The following SIK3 variants were observed in gnomAD, a reference collection of about 807,000 sequenced individuals.
SIK3 encodes SIK family kinase 3, also known as serine/threonine-protein kinase SIK3.
A neutral mutation model predicts 144.2 loss-of-function variants in SIK3; 28 were observed. That is an observed-to-expected ratio of 0.19 (90% CI 0.14 to 0.27). The LOEUF (loss-of-function observed/expected upper bound fraction) is 0.27. Among genes scored for constraint, SIK3 ranks in the 10% least tolerant of loss-of-function variants. The pLI is 1.00. For missense variants in SIK3, 1,319 were observed against 1,776.0 expected, an observed-to-expected ratio of 0.74 and a Z score of 4.62; for synonymous variants, 686 against 676.3, an observed-to-expected ratio of 1.01 and a Z score of -0.22.
At chr11:117,048,869 G>A (rs1473239734) in intron 1 of SIK3, among the ~76,000 whole-genome samples, 1 of 152,062 alleles carries the variant, frequency 6.6e-6, no homozygotes, top group Admixed American at 6.5e-5. Flanking sequence ...TAGGGAAGCT[G>A]AGGCATGTGG....
chr11:117,065,242 T>C (rs1953959045), intron 1 of SIK3, among the ~76,000 whole-genome samples: 1 of 151,770 alleles, frequency 6.6e-6, no homozygotes, highest in Non-Finnish European at 1.5e-5. Flanking sequence ...GTAGCTTGGT[T>C]TCTTCCCTTG....
intron 4 of SIK3, among the ~76,000 whole-genome samples, chr11:116,902,487 G>C (rs1277935619): frequency 1.3e-5 from 2 of 152,190 alleles, no homozygotes; most frequent in African/African-American, 2.4e-5. Context: ...TGAGAAATGA[G>C]TGTATGAGAA....
At chr11:116,940,863 A>C (rs987925790) in intron 3 of SIK3, among the ~76,000 whole-genome samples, 5 of 152,114 alleles carry the variant, frequency 3.3e-5, no homozygotes, top group African/African-American at 9.7e-5. Context: ...ACAAAAAATG[A>C]ATAATAATAA....
chr11:116,908,854 C>T (rs1329893885), intron 4 of SIK3, among the ~76,000 whole-genome samples: 1 of 152,170 alleles, frequency 6.6e-6, no homozygotes, highest in African/African-American at 2.4e-5. Flanking sequence ...CCTAAAAACA[C>T]ACACCATATG....
intron 4 of SIK3, among the ~76,000 whole-genome samples, chr11:116,920,696 T>C (rs898431328): frequency 2.0e-5 from 3 of 152,212 alleles, no homozygotes; most frequent in Non-Finnish European, 4.4e-5. Context: ...TCAAATGCCA[T>C]GTCCTCAATA....
At chr11:117,040,503 T>A (rs1171348171) in intron 1 of SIK3, among the ~76,000 whole-genome samples, 2 of 152,146 alleles carry the variant, frequency 1.3e-5, no homozygotes, top group African/African-American at 2.4e-5. Flanking sequence ...CACAAATAAA[T>A]CTGTAAATAA....
At chr11:116,876,801 A>T in intron 7 of SIK3, 123 bp downstream of exon 7, 1 of 749,048 alleles carries the variant, frequency 1.3e-6, no homozygotes, top group Non-Finnish European at 2.4e-6. Flanking sequence ...GTGCTGCTTT[A>T]GTGTTACATA....
At chr11:116,955,811 C>G (rs548414392) in intron 2 of SIK3, among the ~76,000 whole-genome samples, 65 of 152,160 alleles carry the variant, frequency 4.3e-4, no homozygotes, top group Non-Finnish European at 1.8e-4. Flanking sequence ...TAAATTTCAA[C>G]AGGTCTGCTC....
intron 1 of SIK3, among the ~76,000 whole-genome samples, chr11:117,096,953 A>G (rs975559716): frequency 6.6e-6 from 1 of 152,180 alleles, no homozygotes; most frequent in Non-Finnish European, 1.5e-5. Context: ...CCTCAGGCTG[A>G]GGGAAAACAC....
chr11:117,094,379 A>G (rs547978900), intron 1 of SIK3, among the ~76,000 whole-genome samples: 6 of 152,314 alleles, frequency 3.9e-5, no homozygotes, highest in African/African-American at 1.4e-4. Flanking sequence ...CTGAAGCAGG[A>G]GGATCACTTG....
intron 7 of SIK3, among the ~76,000 whole-genome samples, chr11:116,876,661 C>G (rs761634708): frequency 3.3e-5 from 5 of 152,226 alleles, no homozygotes; most frequent in African/African-American, 1.2e-4. Flanking sequence ...GGTAGGTAAG[C>G]TGCAGAACTG....
chr11:116,861,250 T>C, intron 19 of SIK3, 24 bp downstream of exon 19: 1 of 1,504,018 alleles, frequency 6.6e-7, no homozygotes, highest in Non-Finnish European at 9.1e-7. Context: ...AAATGAACTG[T>C]TTGGTCTGAA....
chr11:116,946,475 C>T (rs925096781), intron 3 of SIK3, among the ~76,000 whole-genome samples: 16 of 152,132 alleles, frequency 1.1e-4, no homozygotes, highest in South Asian at 4.1e-4. Context: ...CACACACAGT[C>T]GGGTCCATTA....
chr11:116,871,391 T>TGGAGTGAACAAGGGTG (rs1195113347), intron 13 of SIK3, among the ~76,000 whole-genome samples: 1 of 152,160 alleles, frequency 6.6e-6, no homozygotes, highest in Non-Finnish European at 1.5e-5. Context: ...GTGAACAGGG[T>TGGAGTGAACAAGGGTG]GAGGCAGGAA....
At chr11:116,890,986 A>G (rs1945072248) in intron 6 of SIK3, among the ~76,000 whole-genome samples, 1 of 152,216 alleles carries the variant, frequency 6.6e-6, no homozygotes, top group South Asian at 2.1e-4. Flanking sequence ...AGAATAAAAT[A>G]TATTGAAATG....
chr11:116,919,734 A>G (rs1384145988), intron 4 of SIK3, among the ~76,000 whole-genome samples: 1 of 152,202 alleles, frequency 6.6e-6, no homozygotes, highest in Non-Finnish European at 1.5e-5. Flanking sequence ...ACCATTTTCA[A>G]AACACCATTT....
intron 4 of SIK3, among the ~76,000 whole-genome samples, chr11:116,914,320 T>C (rs951349784): frequency 1.3e-5 from 2 of 151,790 alleles, no homozygotes; most frequent in African/African-American, 4.8e-5. Context: ...GCAATTCTCC[T>C]GTTTCAGCCT....
At chr11:116,933,419 G>A (rs1438110936) in intron 3 of SIK3, among the ~76,000 whole-genome samples, 3 of 152,168 alleles carry the variant, frequency 2.0e-5, no homozygotes, top group Non-Finnish European at 4.4e-5. Flanking sequence ...GATTACAGGC[G>A]TGAGCCACTG....
intron 4 of SIK3, among the ~76,000 whole-genome samples, chr11:116,910,597 T>C (rs984553313): frequency 6.6e-6 from 1 of 152,188 alleles, no homozygotes; most frequent in Non-Finnish European, 1.5e-5. Context: ...CGGAGTGCTG[T>C]ACTGCTCCAG....
Sources: gnomAD v4.1 joint callset for allele counts (sites outside exome capture counted in the v4.1 genomes callset) on GRCh38, gnomAD v4.1.1 for gene constraint, MANE v1.5 for transcripts, NCBI Gene and HGNC (gene_info 2026-07-23, HGNC 2026-07-21) for gene names.